COMMD10: variants seen among roughly 807,000 people sequenced by gnomAD.
COMMD10 encodes the protein COMM domain containing 10, also known as COMM domain-containing protein 10.
Under a neutral mutation model 28.9 loss-of-function variants are expected in COMMD10, and 33 were observed. The observed-to-expected ratio is 1.14, with a 90% confidence interval of 0.87 to 1.53. The LOEUF (loss-of-function observed/expected upper bound fraction) is 1.53. Ranked by LOEUF, COMMD10 falls within the 40% of genes most tolerant of loss-of-function variation. The pLI, the probability that COMMD10 is intolerant of heterozygous loss-of-function variation, is 0.00. For missense variants in COMMD10, 310 were observed against 233.4 expected, an observed-to-expected ratio of 1.33 and a Z score of -2.14; for synonymous variants, 110 against 81.7, an observed-to-expected ratio of 1.35 and a Z score of -1.87.
intron 2 of COMMD10, 85 bp downstream of exon 2, chr5:116,087,672 C>G: frequency 1.1e-6 from 1 of 887,156 alleles, no homozygotes. Flanking sequence ...TTTTGCAAAG[C>G]ATAGTGTTCT....
Position 116,182,437 on chromosome 5 carries a change from G to A in COMMD10, c.510+48259G>A, listed in dbSNP as rs576413987. Among the ~76,000 whole-genome samples, 5 of 151,992 alleles carry A rather than the reference G, an allele frequency of 3.3e-5. No individual in the cohort carries two copies. In the South Asian group the frequency reaches 1.0e-3, roughly 32 times the overall value. On this transcript the variant is annotated intron_variant, in intron 5 of 6. Transcript: ENST00000274458. The stretch of plus-strand genomic sequence containing the variant: ...GGGGTGGGTGTCAGTGAGCTCAGCT[G>A]TTTTGAGAGAGTTTGAGCAAAAAAA...
At chr5:116,256,217 T>C (rs181945700) in intron 5 of COMMD10, among the ~76,000 whole-genome samples, 24 of 151,842 alleles carry the variant, frequency 1.6e-4, no homozygotes, top group Middle Eastern at 3.4e-3. Flanking sequence ...AACCATGTTT[T>C]GTCCAAAATG....
At chr5:116,119,904 G>A (rs182665027) in intron 4 of COMMD10, among the ~76,000 whole-genome samples, 2 of 152,224 alleles carry the variant, frequency 1.3e-5, no homozygotes, top group Admixed American at 1.3e-4. Context: ...ACGGGTGTGA[G>A]TCACTGTGCC....
intron 5 of COMMD10, among the ~76,000 whole-genome samples, chr5:116,163,513 C>T (rs952394531): frequency 2.6e-5 from 4 of 151,398 alleles, no homozygotes; most frequent in Admixed American, 6.6e-5. Context: ...CACTTGCACC[C>T]GGGAAGTAGA....
intron 5 of COMMD10, among the ~76,000 whole-genome samples, chr5:116,245,660 T>C (rs1176727513): frequency 2.0e-5 from 3 of 152,164 alleles, no homozygotes; most frequent in Non-Finnish European, 4.4e-5. Flanking sequence ...GTAGGCTTTA[T>C]CCCTGGGCTG....
chr5:116,086,633 T>C (rs1312045515), intron 1 of COMMD10, among the ~76,000 whole-genome samples: 1 of 152,192 alleles, frequency 6.6e-6, no homozygotes, highest in Non-Finnish European at 1.5e-5. Context: ...TAATTTTTTG[T>C]ATTTTTAGTA....
rs568417071 is a variant in COMMD10, at chr5:116,179,077, G to C, written c.510+44899G>C. 1.7e-5 allele frequency among the ~76,000 whole-genome samples: 2 copies of C among 120,972 alleles called. 1 individual carries two copies. Among genetic ancestry groups the C allele is most frequent in the Non-Finnish European group, 3.3e-5 (2 of 60,600 alleles). The allele number at this position is 120,972 out of a possible 152,430, so 79.4% of individuals were successfully genotyped here. On this transcript the variant is annotated intron_variant, in intron 5 of 6. Coordinates refer to ENST00000274458, the MANE Select transcript of COMMD10 (RefSeq NM_016144.4). ...ATTTTATGATTCCATAGGTAAAATA[G>C]CTGAAAGAGAACCATTATGTTATCA... is the stretch of plus-strand genomic sequence containing the variant.
intron 5 of COMMD10, among the ~76,000 whole-genome samples, chr5:116,252,618 G>A (rs1352618863): frequency 3.3e-5 from 4 of 122,874 alleles, no homozygotes; most frequent in East Asian, 4.7e-4. Flanking sequence ...GTAGCTATGT[G>A]GCATTATTTC....
chr5:116,199,539 C>A (rs1459159503), intron 5 of COMMD10, among the ~76,000 whole-genome samples: 2 of 151,970 alleles, frequency 1.3e-5, no homozygotes, highest in East Asian at 3.8e-4. Flanking sequence ...TCTGTTTGTT[C>A]AAAATAGTAA....
At chr5:116,135,947 A>C (rs1342771975) in intron 5 of COMMD10, among the ~76,000 whole-genome samples, 1 of 152,174 alleles carries the variant, frequency 6.6e-6, no homozygotes, top group African/African-American at 2.4e-5. Flanking sequence ...GTATCTATCT[A>C]CACAATTTTT....
At chr5:116,192,146 A>G (rs1748387449) in intron 5 of COMMD10, among the ~76,000 whole-genome samples, 1 of 152,132 alleles carries the variant, frequency 6.6e-6, no homozygotes, top group African/African-American at 2.4e-5. Flanking sequence ...CCCATGGGAC[A>G]AAAGAATCTG....
intron 3 of COMMD10, 102 bp from the exon 4 acceptor site, chr5:116,092,443 C>T: frequency 1.3e-6 from 1 of 796,706 alleles, no homozygotes; most frequent in Non-Finnish European, 1.8e-6. Context: ...ATGAAGTTTT[C>T]TTTTGACTTA....
At chr5:116,237,438 T>G (rs1461465130) in intron 5 of COMMD10, among the ~76,000 whole-genome samples, 2 of 151,880 alleles carry the variant, frequency 1.3e-5, no homozygotes, top group African/African-American at 4.9e-5. Flanking sequence ...TGATTTTCAA[T>G]TTAGTTCTAT....
intron 4 of COMMD10, among the ~76,000 whole-genome samples, chr5:116,127,770 C>G (rs1751711187): frequency 6.6e-6 from 1 of 152,130 alleles, no homozygotes; most frequent in East Asian, 1.9e-4. Context: ...ACACTGGGGC[C>G]TGTCTTGTGG....
intron 4 of COMMD10, among the ~76,000 whole-genome samples, chr5:116,101,413 T>A (rs28839012): frequency 0.11 from 16,091 of 151,916 alleles, 945 homozygotes; most frequent in African/African-American, 0.15. Context: ...TTAACTTTTT[T>A]ATTTTTTATT....
intron 5 of COMMD10, among the ~76,000 whole-genome samples, chr5:116,183,596 TGAGA>T (rs1366277758): frequency 2.0e-5 from 3 of 152,138 alleles, no homozygotes; most frequent in African/African-American, 7.2e-5. Context: ...CTTTGTGTTC[TGAGA>T]GAGTGCTGTT....
intron 5 of COMMD10, among the ~76,000 whole-genome samples, chr5:116,205,450 TCCAGTAA>T (rs1452024874): frequency 6.6e-6 from 1 of 152,206 alleles, no homozygotes; most frequent in Non-Finnish European, 1.5e-5. Flanking sequence ...AGGAAAAGAT[TCCAGTAA>T]TCTGTTTTAT....
At chr5:116,230,297 T>C (rs970775822) in intron 5 of COMMD10, among the ~76,000 whole-genome samples, 1 of 152,040 alleles carries the variant, frequency 6.6e-6, no homozygotes, top group African/African-American at 2.4e-5. Context: ...TACCATACTA[T>C]TAAGATTGAG....
Position 116,114,079 on chromosome 5 carries a change from T to G in COMMD10, c.400-19989T>G, listed in dbSNP as rs1435474861. 3.9e-5 allele frequency among the ~76,000 whole-genome samples: 6 copies of G among 152,268 alleles called. No individual in the cohort carries two copies. The East Asian group carries it at 7.7e-4, about 20-fold the overall frequency. On this transcript the variant is annotated intron_variant, in intron 4 of 6. Transcript: ENST00000274458. ...ATTGGTATCTGTGGATTCCTTTGTG[T>G]GTTAGGGTGTGGGTTTTGATGGAGG...
Sources: gnomAD v4.1 joint callset for allele counts (sites outside exome capture counted in the v4.1 genomes callset) on GRCh38, gnomAD v4.1.1 for gene constraint, MANE v1.5 for transcripts, NCBI Gene and HGNC (gene_info 2026-07-23, HGNC 2026-07-21) for gene names.